The following CEACAM6 variants were observed in gnomAD, a reference collection of about 807,000 sequenced individuals.
The protein encoded by CEACAM6 is cell adhesion molecule CEACAM6.
A neutral mutation model predicts 32.4 loss-of-function variants in CEACAM6; 21 were observed. That is an observed-to-expected ratio of 0.65 (90% CI 0.46 to 0.93). The LOEUF is 0.93. Among genes scored for constraint, CEACAM6 ranks in the 40% least tolerant of loss-of-function variants. The pLI, the probability that CEACAM6 is intolerant of heterozygous loss-of-function variation, is 0.00. For missense variants in CEACAM6, 406 were observed against 432.2 expected, an observed-to-expected ratio of 0.94 and a Z score of 0.54; for synonymous variants, 184 against 174.4, an observed-to-expected ratio of 1.06 and a Z score of -0.43.
chr19:41,768,845 T>C (rs1258045649), intron 5 of CEACAM6, among the ~76,000 whole-genome samples: 1 of 152,266 alleles, frequency 6.6e-6, no homozygotes, highest in East Asian at 1.9e-4. Flanking sequence ...ATTCTTATCA[T>C]AATGAACTCT....
intron 5 of CEACAM6, among the ~76,000 whole-genome samples, chr19:41,766,655 C>A (rs535895827): frequency 6.6e-6 from 1 of 152,168 alleles, no homozygotes; most frequent in East Asian, 1.9e-4. Context: ...GGTTGGAATC[C>A]TTCTTGCATA....
Position 41,766,203 on chromosome 19 carries a change from G to A in CEACAM6, c.979G>A (p.Ala327Thr). ...TVSGSAPVLS[A>T]VATVGITIGV... The stretch of plus-strand genomic sequence containing the variant: ...ACAAGGAAGTGCTCCTGTCCTCTCA[G>A]CTGTGGCCACCGTCGGCATCACGAT... The change falls in exon 5 of 6, where the codon GCT becomes ACT. Residue 327 changes from alanine to threonine, a missense_variant. Coordinates refer to ENST00000199764, the MANE Select transcript of CEACAM6 (RefSeq NM_002483.7). The A allele has an allele frequency of 1.2e-6, 2 of 1,608,304 alleles. No individual in the cohort carries two copies. The highest frequency in any genetic ancestry group is 1.7e-6 in the Non-Finnish European group (2 of 1,177,720).
In CEACAM6 at chr19:41,758,874, G is replaced by A. The variant is rs113179170; in HGVS notation, c.424+1915G>A. Among the ~76,000 whole-genome samples, 48 of 152,284 alleles carry A rather than the reference G, an allele frequency of 3.2e-4. 1 individual carries two copies. The highest frequency in any genetic ancestry group is 1.1e-3 in the African/African-American group (46 of 41,548). On this transcript the variant is annotated intron_variant, in intron 2 of 5. Coordinates refer to ENST00000199764, the MANE Select transcript of CEACAM6 (RefSeq NM_002483.7). The stretch of plus-strand genomic sequence containing the variant: ...ATCAGCCGGAGCAGCCGCCCCTGCC[G>A]GGCTCCATCACGAGCCAATGTCCCC...
intron 1 of CEACAM6, among the ~76,000 whole-genome samples, chr19:41,755,979 T>A (rs2072882731): frequency 6.6e-6 from 1 of 152,142 alleles, no homozygotes. Flanking sequence ...CAGAACTGCA[T>A]TAGGATGACA....
chr19:41,761,222 G>T, intron 2 of CEACAM6, 27 bp from the exon 3 acceptor site: 1 of 1,614,140 alleles, frequency 6.2e-7, no homozygotes, highest in Non-Finnish European at 8.5e-7. Context: ...GCCACACAGG[G>T]CAATCTTCTC....
chr19:41,769,916 C>T (rs1450136811), intron 5 of CEACAM6, among the ~76,000 whole-genome samples: 5 of 149,596 alleles, frequency 3.3e-5, no homozygotes, highest in African/African-American at 1.2e-4. Context: ...AATCTGCTCC[C>T]TTTATAACAG....
chr19:41,759,164 G>A (rs544821653), intron 2 of CEACAM6, among the ~76,000 whole-genome samples: 2 of 152,268 alleles, frequency 1.3e-5, no homozygotes, highest in East Asian at 1.9e-4. Context: ...AGGTGGAGCC[G>A]GCCAGGCAGG....
At position 41,755,662 on chromosome 19, in the gene CEACAM6, C is replaced by A; in HGVS notation, c.24C>A (p.Pro8=). 1 of 1,608,626 alleles carries A rather than the reference C, an allele frequency of 6.2e-7. No homozygotes were observed. The highest frequency in any genetic ancestry group is 8.5e-7 in the Non-Finnish European group (1 of 1,177,766). MGPPSAP[P]CRLHVPWKEV... ...CCATGGGACCCCCCTCAGCCCCTCCCTGCAGATTGCATGTCCCCTGGAAGG... is the reference window on the plus strand; with the variant it reads ...CCATGGGACCCCCCTCAGCCCCTCCATGCAGATTGCATGTCCCCTGGAAGG... Residue 8 remains proline, a synonymous_variant, in exon 1 of 6, where the codon CCC becomes CCA. Transcript: ENST00000199764.
chr19:41,768,294 G>A (rs1281417039), intron 5 of CEACAM6, among the ~76,000 whole-genome samples: 1 of 152,142 alleles, frequency 6.6e-6, no homozygotes, highest in African/African-American at 2.4e-5. Context: ...AGGGAGTGGT[G>A]ATGACTCTTA....
At chr19:41,769,848 GTTAA>G (rs1207113024) in intron 5 of CEACAM6, among the ~76,000 whole-genome samples, 3 of 147,560 alleles carry the variant, frequency 2.0e-5, no homozygotes, top group Admixed American at 6.8e-5. Flanking sequence ...AATTGTAATT[GTTAA>G]TTAATATTAA....
In CEACAM6 at chr19:41,755,636, A is replaced by G. The variant is rs184076382; in HGVS notation, c.-3A>G. 255 of 1,611,632 alleles carry G rather than the reference A, an allele frequency of 1.6e-4. 1 individual carries two copies. In the African/African-American group the frequency reaches 3.1e-3, roughly 20 times the overall value. ...GAGGTGGACAGAGAAGACAGCAGAG[A>G]CCATGGGACCCCCCTCAGCCCCTCC... On this transcript the variant is annotated 5_prime_UTR_variant, in exon 1 of 6. Transcript: ENST00000199764.
intron 2 of CEACAM6, 94 bp downstream of exon 2, chr19:41,757,053 T>C: frequency 2.0e-6 from 3 of 1,525,620 alleles, no homozygotes; most frequent in Non-Finnish European, 2.6e-6. Context: ...TGGCCCTCTC[T>C]GCATTACATC....
At chr19:41,766,678 T>A (rs1172015500) in intron 5 of CEACAM6, among the ~76,000 whole-genome samples, 1 of 152,076 alleles carries the variant, frequency 6.6e-6, no homozygotes, top group Non-Finnish European at 1.5e-5. Flanking sequence ...ACTGCCTCAT[T>A]ACCTTCCTAA....
At chr19:41,758,448 G>A (rs1407408191) in intron 2 of CEACAM6, among the ~76,000 whole-genome samples, 4 of 152,168 alleles carry the variant, frequency 2.6e-5, no homozygotes, top group Non-Finnish European at 5.9e-5. Flanking sequence ...GGCCACACCT[G>A]TTTCTTGTCC....
chr19:41,761,247 A>G lies in CEACAM6; in HGVS notation c.425-2A>G, dbSNP rs1555821793. ...GCAATCTTCTCTCTGTTTTCTGCAC[A>G]GCGGAGCTGCCCAAGCCCTCCATCT... On this transcript the variant is annotated splice_acceptor_variant, in intron 2 of 5. Coordinates refer to ENST00000199764, the MANE Select transcript of CEACAM6 (RefSeq NM_002483.7). LOFTEE classifies it high-confidence loss of function. The G allele has an allele frequency of 1.2e-6, 2 of 1,614,078 alleles. No individual in the cohort carries two copies. The highest frequency in any genetic ancestry group is 2.2e-5 in the South Asian group (2 of 91,080).
chr19:41,769,752 TATTATTGATAAACA>T lies in CEACAM6; in HGVS notation c.*41-1043_*41-1030del, dbSNP rs571370852. Among the ~76,000 whole-genome samples, 109 of 148,892 alleles carry T rather than the reference TATTATTGATAAACA, an allele frequency of 7.3e-4. No homozygotes were observed. In the East Asian group the frequency reaches 0.02, roughly 27 times the overall value. ...TTAATATTAATTGTTATAAAATAAT[TATTATTGATAAACA>T]ATTATTTGATGATCATTATTTAATA... On this transcript the variant is annotated intron_variant, in intron 5 of 5. Coordinates refer to ENST00000199764, the MANE Select transcript of CEACAM6 (RefSeq NM_002483.7).
intron 2 of CEACAM6, 127 bp from the exon 3 acceptor site, chr19:41,761,122 C>T (rs1243169287): frequency 2.8e-5 from 43 of 1,539,788 alleles, no homozygotes; most frequent in Non-Finnish European, 3.5e-5. Flanking sequence ...GTGACACACA[C>T]ACCTGCCAGG....
chr19:41,755,742 G>T (rs1402788183), intron 1 of CEACAM6, 40 bp downstream of exon 1: 13 of 1,551,996 alleles, frequency 8.4e-6, no homozygotes, highest in East Asian at 2.3e-5. Flanking sequence ...GGAGGAGGGA[G>T]CACAGAGACT....
chr19:41,756,510 G>T (rs1248656331), intron 1 of CEACAM6, 90 bp from the exon 2 acceptor site: 2 of 1,530,198 alleles, frequency 1.3e-6, no homozygotes, highest in East Asian at 2.3e-5. Context: ...ACGTGGAGGG[G>T]TGAAGAGACC....
Sources: allele counts gnomAD v4.1 joint callset (sites outside exome capture counted in the v4.1 genomes callset), GRCh38; gene constraint gnomAD v4.1.1; transcripts MANE v1.5; gene names NCBI Gene and HGNC (gene_info 2026-07-23, HGNC 2026-07-21).